The following FANCC variants were observed in gnomAD, a reference collection of about 807,000 sequenced individuals.
FANCC encodes Fanconi anemia group C protein.
In FANCC, 55 loss-of-function variants were observed where a neutral mutation model predicts 71.3. The observed-to-expected ratio is 0.77, with a 90% confidence interval of 0.62 to 0.97. FANCC has a LOEUF of 0.97. Among genes scored for constraint, FANCC ranks in the 50% least tolerant of loss-of-function variants. The pLI is 0.00. For synonymous variants in FANCC, 275 were observed against 244.9 expected, an observed-to-expected ratio of 1.12 and a Z score of -1.15; for missense variants, 678 against 670.9, an observed-to-expected ratio of 1.01 and a Z score of -0.12.
At chr9:95,115,331 C>T (rs1182033880) in intron 11 of FANCC, among the ~76,000 whole-genome samples, 1 of 152,166 alleles carries the variant, frequency 6.6e-6, no homozygotes, top group Non-Finnish European at 1.5e-5. Context: ...GTTGCGGATG[C>T]CCTAGGTTTC....
intron 4 of FANCC, 116 bp from the exon 5 acceptor site, chr9:95,172,263 C>A (rs1444100132): frequency 3.1e-6 from 2 of 647,854 alleles, no homozygotes; most frequent in Non-Finnish European, 5.4e-6. Context: ...ACAAAAAAAT[C>A]TGTTTGTCAA....
At chr9:95,249,561 C>G (rs1164654291) in intron 1 of FANCC, among the ~76,000 whole-genome samples, 192 bp from the exon 2 acceptor site, 1 of 152,182 alleles carries the variant, frequency 6.6e-6, no homozygotes, top group Non-Finnish European at 1.5e-5. Flanking sequence ...AACTTTTTAT[C>G]ATGATACTAT....
chr9:95,201,505 A>C (rs1028775764), intron 4 of FANCC, among the ~76,000 whole-genome samples: 9 of 152,164 alleles, frequency 5.9e-5, no homozygotes, highest in African/African-American at 1.7e-4. Flanking sequence ...ATCCACACTC[A>C]TGAAAAGTAA....
chr9:95,314,013 G>A (rs944634603), intron 1 of FANCC, among the ~76,000 whole-genome samples: 2 of 152,168 alleles, frequency 1.3e-5, no homozygotes, highest in African/African-American at 2.4e-5. Context: ...TTCCCCCTAA[G>A]ATGAGAAATA....
Position 95,120,658 on chromosome 9 carries a change from A to C in FANCC, c.997-3268T>G, listed in dbSNP as rs551805094. 5.9e-5 allele frequency among the ~76,000 whole-genome samples: 9 copies of C among 151,936 alleles called. No individual in the cohort carries two copies. The East Asian group carries it at 1.5e-3, about 26-fold the overall frequency. ...GGCTGGTCTTGAACTCAACTCCTGG[A>C]CTCAAGCAATCCTCCCACCTTGGCC... On this transcript the variant is annotated intron_variant, in intron 10 of 14. Coordinates refer to ENST00000289081, the MANE Select transcript of FANCC (RefSeq NM_000136.3).
At chr9:95,111,661 G>A in intron 12 of FANCC, 24 bp from the exon 13 acceptor site, 3 of 1,613,952 alleles carry the variant, frequency 1.9e-6, no homozygotes, top group Non-Finnish European at 2.5e-6. Flanking sequence ...AGAACACATG[G>A]CAGTTGACAA....
chr9:95,108,296 C>A (rs1472498757), intron 13 of FANCC, among the ~76,000 whole-genome samples: 1 of 152,242 alleles, frequency 6.6e-6, no homozygotes, highest in Non-Finnish European at 1.5e-5. Context: ...TCCAGCAGGG[C>A]AGGCCTCACT....
intron 9 of FANCC, 63 bp downstream of exon 9, chr9:95,126,466 A>T: frequency 2.0e-6 from 3 of 1,470,758 alleles, no homozygotes; most frequent in Non-Finnish European, 2.9e-6. Flanking sequence ...ACATTTTCTG[A>T]TTCATGCTTG....
intron 3 of FANCC, among the ~76,000 whole-genome samples, chr9:95,243,371 C>G (rs1041795135): frequency 3.3e-5 from 5 of 152,166 alleles, no homozygotes; most frequent in African/African-American, 1.2e-4. Context: ...TTTTCAGTAT[C>G]TTTTCATTTC....
At chr9:95,133,334 T>C (rs2135126328) in intron 8 of FANCC, among the ~76,000 whole-genome samples, 1 of 152,346 alleles carries the variant, frequency 6.6e-6, no homozygotes, top group East Asian at 1.9e-4. Context: ...ATCCTGCCAA[T>C]GCCACAATAA....
chr9:95,305,685 C>G (rs1401503531), intron 1 of FANCC, among the ~76,000 whole-genome samples: 1 of 152,162 alleles, frequency 6.6e-6, no homozygotes, highest in Non-Finnish European at 1.5e-5. Flanking sequence ...AAGACTTATA[C>G]TGTATTTTTG....
chr9:95,124,250 C>T (rs555410388), intron 10 of FANCC, among the ~76,000 whole-genome samples: 29 of 152,062 alleles, frequency 1.9e-4, no homozygotes, highest in African/African-American at 2.9e-4. Context: ...TCACAGGGGC[C>T]GTGACATACT....
intron 4 of FANCC, among the ~76,000 whole-genome samples, chr9:95,215,409 A>G (rs1189729368): frequency 6.6e-6 from 1 of 152,064 alleles, no homozygotes; most frequent in Admixed American, 6.6e-5. Flanking sequence ...AGTGAGGAGG[A>G]TGGGAAAGAG....
chr9:95,221,748 T>G (rs1430259707), intron 4 of FANCC, among the ~76,000 whole-genome samples: 1 of 152,062 alleles, frequency 6.6e-6, no homozygotes, highest in African/African-American at 2.4e-5. Flanking sequence ...GAAGATAGAA[T>G]CACATGAAAA....
chr9:95,164,384 G>A lies in FANCC; in HGVS notation c.521+6695C>T, dbSNP rs544684005. Among the ~76,000 whole-genome samples the A allele has an allele frequency of 3.3e-5, 5 of 152,244 alleles. No individual in the cohort carries two copies. The South Asian group carries it at 8.3e-4, about 25-fold the overall frequency. ...TTCTTGCCTTGTTCCTGATCTCAGC[G>A]GGAAAACATTCCCTTTTTCACCACT... On this transcript the variant is annotated intron_variant, in intron 6 of 14. Transcript: ENST00000289081.
chr9:95,230,094 T>TA (rs5899251), intron 4 of FANCC, among the ~76,000 whole-genome samples: 72,024 of 151,034 alleles, frequency 0.48, 17,235 homozygotes, highest in East Asian at 0.58. Context: ...ATTATTTCAG[T>TA]AAAAAAAAAA....
chr9:95,261,253 T>C (rs1019027478), intron 1 of FANCC, among the ~76,000 whole-genome samples: 3 of 152,226 alleles, frequency 2.0e-5, no homozygotes, highest in Admixed American at 6.5e-5. Context: ...ACTACTTTTT[T>C]ATCGCAGGTA....
At position 95,102,812 on chromosome 9, in the gene FANCC, T is replaced by C. The variant is rs530189593; in HGVS notation, c.1534-962A>G. 4.6e-5 allele frequency among the ~76,000 whole-genome samples: 7 copies of C among 152,290 alleles called. No individual in the cohort carries two copies. In the South Asian group the frequency reaches 1.5e-3, roughly 32 times the overall value. On this transcript the variant is annotated intron_variant, in intron 14 of 14. Coordinates refer to ENST00000289081, the MANE Select transcript of FANCC (RefSeq NM_000136.3). ...CATGCGCACTGTGTGAATGGCAGCG[T>C]GGGGACGCAGAGCTAAGAGTAAACG... is the stretch of plus-strand genomic sequence containing the variant.
At chr9:95,314,220 G>C (rs1462357206) in intron 1 of FANCC, among the ~76,000 whole-genome samples, 2 of 152,192 alleles carry the variant, frequency 1.3e-5, no homozygotes, top group Non-Finnish European at 1.5e-5. Flanking sequence ...AGTTCAACAA[G>C]GAAGGTTGCA....
Sources: gnomAD v4.1 joint callset for allele counts (sites outside exome capture counted in the v4.1 genomes callset) on GRCh38, gnomAD v4.1.1 for gene constraint, MANE v1.5 for transcripts, NCBI Gene and HGNC (gene_info 2026-07-23, HGNC 2026-07-21) for gene names.